CUX1: variants seen among roughly 807,000 people sequenced by gnomAD.
CUX1 encodes cut like homeobox 1.
CUX1 carries 31 observed loss-of-function variants against 158.8 expected under a neutral mutation model. The ratio of observed to expected loss-of-function variants is 0.20; its 90% confidence interval spans 0.15 to 0.26. The LOEUF is 0.26. CUX1 is among the 10% of genes least tolerant of loss of function. The pLI, the probability that CUX1 is intolerant of heterozygous loss-of-function variation, is 1.00. For missense variants in CUX1, 1,589 were observed against 2,014.6 expected, an observed-to-expected ratio of 0.79 and a Z score of 4.04; for synonymous variants, 879 against 862.1, an observed-to-expected ratio of 1.02 and a Z score of -0.34.
chr7:101,982,988 C>T (rs911407681), intron 2 of CUX1, among the ~76,000 whole-genome samples: 3 of 150,886 alleles, frequency 2.0e-5, no homozygotes, highest in East Asian at 2.0e-4. Context: ...TGGGTCTAAG[C>T]GCTTTGTGAG....
intron 5 of CUX1, among the ~76,000 whole-genome samples, chr7:102,102,099 G>A (rs1829840459): frequency 6.6e-6 from 1 of 152,046 alleles, no homozygotes; most frequent in Non-Finnish European, 1.5e-5. Context: ...ACCACTGTGT[G>A]CACAGAGCAT....
At chr7:102,176,103 A>C (rs1380364057) in intron 10 of CUX1, among the ~76,000 whole-genome samples, 3 of 152,240 alleles carry the variant, frequency 2.0e-5, no homozygotes, top group Non-Finnish European at 2.9e-5. Flanking sequence ...GAGAACCGAA[A>C]CACCTCTTTT....
Position 102,031,369 on chromosome 7 carries a change from TTTTG to T in CUX1, c.189+3241_189+3244del, listed in dbSNP as rs372914061. 3.1e-3 allele frequency among the ~76,000 whole-genome samples: 470 copies of T among 152,242 alleles called. 3 individuals are homozygous for T. The highest frequency in any genetic ancestry group is 0.011 in the African/African-American group (446 of 41,552). ...TGAGCCACCGCGCCTGGCCTGATTT[TTTTG>T]TTTGTTTGTTTGTTTGCTTTTTTGA... is the stretch of plus-strand genomic sequence containing the variant. On this transcript the variant is annotated intron_variant, in intron 3 of 23. Transcript: ENST00000292535.
intron 2 of CUX1, among the ~76,000 whole-genome samples, chr7:101,947,391 C>CA (rs1053404518): frequency 6.6e-6 from 1 of 152,080 alleles, no homozygotes; most frequent in Non-Finnish European, 1.5e-5. Flanking sequence ...GACTCCGTCT[C>CA]AAAAAAACAA....
At chr7:102,015,215 A>C (rs930991133) in intron 2 of CUX1, among the ~76,000 whole-genome samples, 1 of 152,128 alleles carries the variant, frequency 6.6e-6, no homozygotes, top group East Asian at 1.9e-4. Flanking sequence ...GCAAAAGGAG[A>C]GTGCCTGAGA....
chr7:101,896,408 A>G (rs1801527729), intron 1 of CUX1, among the ~76,000 whole-genome samples: 1 of 152,204 alleles, frequency 6.6e-6, no homozygotes, highest in Non-Finnish European at 1.5e-5. Context: ...GAAGGGGTGT[A>G]TGAAGGTATA....
chr7:102,070,362 C>T lies in CUX1; in HGVS notation c.213C>T (p.Ser71=). 3.1e-6 allele frequency: 5 copies of T among 1,608,590 alleles called. No individual in the cohort carries two copies. Among genetic ancestry groups the T allele is most frequent in the Non-Finnish European group, 4.2e-6 (5 of 1,178,854 alleles). ...AGATTGATGCACTGAGTAAAAGAAG[C>T]AAGGAAGCTGAAGCAGCTTTCTTGA... is the stretch of plus-strand genomic sequence containing the variant. ...QGEIDALSKR[S]KEAEAAFLNV... is the part of the protein sequence containing the mutation. The change falls in exon 4 of 24, where the codon AGC becomes AGT. Residue 71 remains serine, a synonymous_variant. Transcript: ENST00000292535.
chr7:102,099,960 C>T (rs1004906067), intron 5 of CUX1, among the ~76,000 whole-genome samples: 18 of 152,028 alleles, frequency 1.2e-4, no homozygotes, highest in Non-Finnish European at 5.9e-5. Flanking sequence ...TGGCTTTTCA[C>T]AATGAGTTAT....
intron 2 of CUX1, among the ~76,000 whole-genome samples, chr7:101,931,836 C>T (rs1806330541): frequency 6.6e-6 from 1 of 152,110 alleles, no homozygotes; most frequent in Admixed American, 6.6e-5. Context: ...GTGTGAGCTA[C>T]CGTACCCCTC....
chr7:102,105,768 C>T (rs1740813568), intron 6 of CUX1, among the ~76,000 whole-genome samples: 1 of 152,182 alleles, frequency 6.6e-6, no homozygotes, highest in South Asian at 2.1e-4. Flanking sequence ...CCACCTCAGC[C>T]TTTCAAAGTG....
intron 20 of CUX1, among the ~76,000 whole-genome samples, chr7:102,206,226 C>T (rs2132085726): frequency 6.6e-6 from 1 of 152,232 alleles, no homozygotes; most frequent in South Asian, 2.1e-4. Context: ...GAGAGTTCTG[C>T]GTGTTTTCCG....
At chr7:102,202,684 A>G (rs1448484174) in intron 18 of CUX1, among the ~76,000 whole-genome samples, 2 of 152,206 alleles carry the variant, frequency 1.3e-5, no homozygotes, top group Non-Finnish European at 2.9e-5. Context: ...GACTTACTAG[A>G]AAAAGCTGCA....
At position 102,256,205 on chromosome 7, in the gene CUX1, G is replaced by A. The variant is rs1258285862; in HGVS notation, c.*7163G>A. 1.0e-6 allele frequency: 1 copy of A among 985,376 alleles called. No individual in the cohort carries two copies. Among genetic ancestry groups the A allele is most frequent in the African/African-American group, 1.7e-5 (1 of 57,244 alleles). 61.0% of individuals were successfully genotyped at this position (985,376 alleles called of 1,614,324 possible). The stretch of plus-strand genomic sequence containing the variant: ...AAGCTGAGACCCTTCCCCAGTGTCT[G>A]AGGCCACAGCCATCCCTTCCAGCAC... On this transcript the variant is annotated 3_prime_UTR_variant, in exon 24 of 24. Coordinates refer to ENST00000292535, the MANE Select transcript of CUX1 (RefSeq NM_181552.4).
intron 8 of CUX1, among the ~76,000 whole-genome samples, chr7:102,151,207 A>G (rs1452587659): frequency 6.6e-6 from 1 of 152,150 alleles, no homozygotes; most frequent in African/African-American, 2.4e-5. Context: ...GTCAGGCAGG[A>G]TTAATTCAGT....
intron 17 of CUX1, 67 bp downstream of exon 17, chr7:102,200,239 G>C (rs2132017865): frequency 7.6e-7 from 1 of 1,317,296 alleles, no homozygotes; most frequent in Non-Finnish European, 1.1e-6. Flanking sequence ...GAGTGCTCTG[G>C]TCAGCAGTAA....
At chr7:102,140,779 C>T (rs1275467191) in intron 8 of CUX1, among the ~76,000 whole-genome samples, 2 of 151,626 alleles carry the variant, frequency 1.3e-5, no homozygotes, top group African/African-American at 2.4e-5. Context: ...GCAGGAGAAT[C>T]TCTTGAACCC....
intron 2 of CUX1, among the ~76,000 whole-genome samples, chr7:101,919,010 C>G (rs571454704): frequency 1.1e-4 from 16 of 152,316 alleles, no homozygotes; most frequent in African/African-American, 3.8e-4. Context: ...AACTCCTGAC[C>G]TCAGGTGATC....
intron 6 of CUX1, among the ~76,000 whole-genome samples, chr7:102,108,779 CAA>C (rs1830621063): frequency 9.8e-6 from 1 of 101,602 alleles, no homozygotes; most frequent in Non-Finnish European, 2.0e-5. Flanking sequence ...TGTTTTGAGA[CAA>C]AGTCTCTCTG....
chr7:102,012,925 G>A (rs916177208), intron 2 of CUX1, among the ~76,000 whole-genome samples: 8 of 152,066 alleles, frequency 5.3e-5, no homozygotes, highest in Non-Finnish European at 1.0e-4. Flanking sequence ...CACCAACCAC[G>A]GTTTTTCAGC....
Sources: gnomAD v4.1 joint callset for allele counts (sites outside exome capture counted in the v4.1 genomes callset) on GRCh38, gnomAD v4.1.1 for gene constraint, MANE v1.5 for transcripts, NCBI Gene and HGNC (gene_info 2026-07-23, HGNC 2026-07-21) for gene names.